Variants in MAP2K5 observed in about 807,000 individuals in gnomAD.
The protein encoded by MAP2K5 is mitogen-activated protein kinase kinase 5.
Under a neutral mutation model 83.1 loss-of-function variants are expected in MAP2K5, and 49 were observed. The observed-to-expected ratio is 0.59, with a 90% confidence interval of 0.47 to 0.75. The LOEUF (loss-of-function observed/expected upper bound fraction) is 0.75. Among genes scored for constraint, MAP2K5 ranks in the 30% least tolerant of loss-of-function variants. The pLI is 0.00. For missense variants in MAP2K5, 457 were observed against 557.5 expected (o/e 0.82, Z 1.82); for synonymous variants, 202 against 191.8 (o/e 1.05, Z -0.44).
chr15:67,762,199 C>T (rs1054652), intron 19 of MAP2K5, among the ~76,000 whole-genome samples: 27 of 152,246 alleles, frequency 1.8e-4, no homozygotes, highest in Middle Eastern at 3.4e-3. Context: ...AGGACAATAA[C>T]GGGTTTTACT....
chr15:67,805,175 T>A (rs746175782), intron 21 of MAP2K5, among the ~76,000 whole-genome samples: 3 of 152,206 alleles, frequency 2.0e-5, no homozygotes, highest in Non-Finnish European at 4.4e-5. Context: ...TTCCTCCTCC[T>A]CCTCGCAGCT....
chr15:67,585,076 C>CAAAAAAAA (rs59012209), intron 4 of MAP2K5, among the ~76,000 whole-genome samples: 5 of 122,166 alleles, frequency 4.1e-5, no homozygotes, highest in Admixed American at 8.6e-5. Context: ...GAGAGAGGAG[C>CAAAAAAAA]AAAAAAAAAA....
intron 16 of MAP2K5, among the ~76,000 whole-genome samples, chr15:67,707,076 C>T (rs544755439): frequency 4.6e-5 from 7 of 152,204 alleles, no homozygotes; most frequent in African/African-American, 1.2e-4. Flanking sequence ...CCACCATGCC[C>T]GGATAATTTT....
chr15:67,742,521 G>T (rs1037454426), intron 17 of MAP2K5, among the ~76,000 whole-genome samples: 1 of 152,106 alleles, frequency 6.6e-6, no homozygotes, highest in Non-Finnish European at 1.5e-5. Flanking sequence ...TCCCCCAGCT[G>T]CCCCTTTCCC....
intron 11 of MAP2K5, among the ~76,000 whole-genome samples, chr15:67,654,905 A>C (rs2087032601): frequency 6.6e-6 from 1 of 152,058 alleles, no homozygotes; most frequent in Admixed American, 6.6e-5. Flanking sequence ...TCCTAAAAAA[A>C]AATACAAAAA....
In MAP2K5 at chr15:67,676,968, T is replaced by A. The variant is rs889181246; in HGVS notation, c.847+12323T>A. On this transcript the variant is annotated intron_variant, in intron 13 of 21. Coordinates refer to ENST00000178640, the MANE Select transcript of MAP2K5 (RefSeq NM_145160.3). This position sits in a 1 kb window ranked among gnomAD's most constrained non-coding sequence, Gnocchi z 4.8. Reference sequence around the variant, plus strand: ...AGGTCATAGCATTGTACCTGGCATATAACAGCTATTATTATGTCAAATAAT... The same window carrying A: ...AGGTCATAGCATTGTACCTGGCATAAAACAGCTATTATTATGTCAAATAAT... 6.6e-6 allele frequency among the ~76,000 whole-genome samples: 1 copy of A among 152,230 alleles called. No individual in the cohort carries two copies. The highest frequency in any genetic ancestry group is 1.9e-4 in the East Asian group (1 of 5,206).
chr15:67,621,881 T>G (rs1221374645), intron 8 of MAP2K5, among the ~76,000 whole-genome samples: 3 of 152,090 alleles, frequency 2.0e-5, no homozygotes, highest in African/African-American at 7.2e-5. Flanking sequence ...TGTTGCTAAC[T>G]CTGTGAAGAA....
intron 13 of MAP2K5, among the ~76,000 whole-genome samples, chr15:67,669,802 C>A (rs190521217): frequency 7.1e-6 from 1 of 141,606 alleles, no homozygotes; most frequent in Non-Finnish European, 1.6e-5. Flanking sequence ...CAACAAAAAA[C>A]CTGATAATAT....
intron 17 of MAP2K5, among the ~76,000 whole-genome samples, chr15:67,735,397 AT>A (rs1446230184): frequency 6.6e-6 from 1 of 152,232 alleles, no homozygotes; most frequent in East Asian, 1.9e-4. Context: ...CACTAACCTC[AT>A]GTTGGTTTGA....
chr15:67,773,534 A>T (rs1478038632), intron 21 of MAP2K5, among the ~76,000 whole-genome samples: 1 of 152,240 alleles, frequency 6.6e-6, no homozygotes, highest in Admixed American at 6.5e-5. Context: ...CATTTTACAG[A>T]TACCAGTTTA....
At chr15:67,641,746 G>C (rs1267440953) in intron 9 of MAP2K5, 1 of 410,978 alleles carries the variant, frequency 2.4e-6, no homozygotes, top group Admixed American at 6.4e-5. Context: ...ACTTCCTAAG[G>C]AGAAAAAAAT....
chr15:67,725,241 T>C (rs1324451370), intron 16 of MAP2K5, among the ~76,000 whole-genome samples: 3 of 152,006 alleles, frequency 2.0e-5, no homozygotes, highest in Non-Finnish European at 4.4e-5. Flanking sequence ...CCATCCTTTT[T>C]TACCTTGTAC....
At position 67,736,337 on chromosome 15, in the gene MAP2K5, AT is replaced by A. The variant is rs1235285607; in HGVS notation, c.1074+8395del. Among the ~76,000 whole-genome samples the A allele has an allele frequency of 6.6e-6, 1 of 152,198 alleles. No homozygotes were observed. Among genetic ancestry groups the A allele is most frequent in the Non-Finnish European group, 1.5e-5 (1 of 68,030 alleles). On this transcript the variant is annotated intron_variant, in intron 17 of 21. Transcript: ENST00000178640. This position sits in a 1 kb window ranked among gnomAD's most constrained non-coding sequence, Gnocchi z 4.3. Reference sequence around the variant, plus strand: ...AGGGGTTCCCTGCCACCCTTTATGAATTTGGCTTGGTATATCACGGCATTTT... The same window carrying A: ...AGGGGTTCCCTGCCACCCTTTATGAATTGGCTTGGTATATCACGGCATTTT...
intron 7 of MAP2K5, among the ~76,000 whole-genome samples, chr15:67,594,650 G>A (rs2085485532): frequency 6.6e-6 from 1 of 152,160 alleles, no homozygotes; most frequent in African/African-American, 2.4e-5. Flanking sequence ...CTTCAGTTAT[G>A]AGGTTCTCTA....
intron 11 of MAP2K5, among the ~76,000 whole-genome samples, chr15:67,656,305 A>G (rs909959901): frequency 2.7e-5 from 4 of 149,906 alleles, no homozygotes; most frequent in African/African-American, 7.3e-5. Context: ...CATATATGTC[A>G]CGTCATGGGG....
At chr15:67,684,336 TAGA>T (rs1234622849) in intron 13 of MAP2K5, among the ~76,000 whole-genome samples, 2 of 152,298 alleles carry the variant, frequency 1.3e-5, no homozygotes, top group Admixed American at 6.5e-5. Context: ...AGAAAGAGAT[TAGA>T]AGGATTATGC....
At chr15:67,586,507 G>A (rs2085294112) in intron 5 of MAP2K5, among the ~76,000 whole-genome samples, 1 of 152,002 alleles carries the variant, frequency 6.6e-6, no homozygotes, top group Non-Finnish European at 1.5e-5. Context: ...TATAACTTGA[G>A]GTTCACTACT....
In MAP2K5 at chr15:67,542,862, T is replaced by C. The variant is rs1596536485; in HGVS notation, c.-474T>C. 6.4e-6 allele frequency: 1 copy of C among 155,418 alleles called. No homozygotes were observed. Among genetic ancestry groups the C allele is most frequent in the Non-Finnish European group, 1.4e-5 (1 of 69,844 alleles). The allele number at this position is 155,418 out of a possible 1,614,324, so 9.6% of individuals were successfully genotyped here. ...CCCCTTGAACCTCCCGCGGGGACTCTCCGTGGTGTGGCGGCCCTGGGGCTC... is the reference window on the plus strand; with the variant it reads ...CCCCTTGAACCTCCCGCGGGGACTCCCCGTGGTGTGGCGGCCCTGGGGCTC... On this transcript the variant is annotated 5_prime_UTR_variant, in exon 1 of 22. Transcript: ENST00000178640.
chr15:67,680,922 G>C (rs2087800596), intron 13 of MAP2K5, among the ~76,000 whole-genome samples: 1 of 152,180 alleles, frequency 6.6e-6, no homozygotes, highest in African/African-American at 2.4e-5. Flanking sequence ...CTGGTATAAT[G>C]AAAGTTAACC....
Sources: allele counts gnomAD v4.1 joint callset (sites outside exome capture counted in the v4.1 genomes callset), GRCh38; gene constraint gnomAD v4.1.1; non-coding constraint Gnocchi (gnomAD v3.1); transcripts MANE v1.5; gene names NCBI Gene and HGNC (gene_info 2026-07-23, HGNC 2026-07-21).